The following DPYSL5 variants were observed in gnomAD, a reference collection of about 807,000 sequenced individuals.
DPYSL5 encodes dihydropyrimidinase-related protein 5.
A neutral mutation model predicts 58.4 loss-of-function variants in DPYSL5; 9 were observed. The observed-to-expected ratio is 0.15, with a 90% CI of 0.09 to 0.27. DPYSL5 has a LOEUF of 0.27. Among genes scored for constraint, DPYSL5 ranks in the 10% least tolerant of loss-of-function variants. The pLI is 1.00. For missense variants in DPYSL5, 499 were observed against 770.6 expected (o/e 0.65, Z 4.17); for synonymous variants, 293 against 301.9 (o/e 0.97, Z 0.31).
In DPYSL5 at chr2:26,947,234, G is replaced by C; in HGVS notation, c.*239G>C. The stretch of plus-strand genomic sequence containing the variant: ...GTCCTTTCTGCCTTGGCCTCGGCGG[G>C]CTTTTCTGGGGCCCAGGAAGCCCAC... On this transcript the variant is annotated 3_prime_UTR_variant, in exon 13 of 13. Coordinates refer to ENST00000288699, the MANE Select transcript of DPYSL5 (RefSeq NM_020134.4). The surrounding 1 kb of genome is among the most constrained non-coding windows in gnomAD (Gnocchi z 4.2). 2.1e-6 allele frequency: 1 copy of C among 478,874 alleles called. No individual in the cohort carries two copies. Among genetic ancestry groups the C allele is most frequent in the Non-Finnish European group, 3.8e-6 (1 of 261,034 alleles). 29.7% of individuals were successfully genotyped at this position (478,874 alleles called of 1,614,324 possible). A position where few individuals can be genotyped will look rare whatever the true frequency, so the allele number is the denominator to read the frequency against.
At chr2:26,932,412 C>G (rs1346564428) in intron 6 of DPYSL5, among the ~76,000 whole-genome samples, 1 of 152,202 alleles carries the variant, frequency 6.6e-6, no homozygotes, top group Non-Finnish European at 1.5e-5. Context: ...CAGTTCATTG[C>G]TCACGTGTAA....
chr2:26,889,291 A>C (rs1663809622), intron 1 of DPYSL5, among the ~76,000 whole-genome samples: 1 of 150,100 alleles, frequency 6.7e-6, no homozygotes, highest in Non-Finnish European at 1.5e-5. Context: ...TTTTTTTGAG[A>C]CGGAGTCTTG....
chr2:26,903,355 A>G (rs1036490292), intron 2 of DPYSL5, among the ~76,000 whole-genome samples: 1 of 152,122 alleles, frequency 6.6e-6, no homozygotes, highest in African/African-American at 2.4e-5. Flanking sequence ...TTCTTAAGAA[A>G]CTTGCTTTTG....
intron 5 of DPYSL5, among the ~76,000 whole-genome samples, chr2:26,931,197 GTGTGTGTATATATATATATATA>G (rs1269466164): frequency 9.9e-4 from 52 of 52,492 alleles, no homozygotes; most frequent in African/African-American, 2.9e-3. Context: ...GTGTGTGTGT[GTGTGTGTATATATATATATATA>G]TATATATATA....
At chr2:26,893,175 A>G (rs1301596981) in intron 1 of DPYSL5, among the ~76,000 whole-genome samples, 1 of 152,174 alleles carries the variant, frequency 6.6e-6, no homozygotes, top group Non-Finnish European at 1.5e-5. Context: ...AGCAGCCCCC[A>G]AGGGCCATGC....
chr2:26,873,066 T>A (rs1374064675), intron 1 of DPYSL5, among the ~76,000 whole-genome samples: 1 of 152,226 alleles, frequency 6.6e-6, no homozygotes, highest in African/African-American at 2.4e-5. Flanking sequence ...CCCCTTTTGT[T>A]TGAACTGCTA....
intron 2 of DPYSL5, among the ~76,000 whole-genome samples, chr2:26,914,079 G>A (rs144131891): frequency 1.4e-4 from 21 of 152,244 alleles, no homozygotes; most frequent in African/African-American, 4.6e-4. Flanking sequence ...GTTCTGTGCC[G>A]AGTTACTATT....
chr2:26,892,411 A>G (rs1663904395), intron 1 of DPYSL5, among the ~76,000 whole-genome samples: 1 of 152,242 alleles, frequency 6.6e-6, no homozygotes, highest in African/African-American at 2.4e-5. Context: ...CAGGTTCTCC[A>G]ACCTCCAAGC....
intron 1 of DPYSL5, among the ~76,000 whole-genome samples, chr2:26,880,787 C>G (rs1282102638): frequency 6.6e-6 from 1 of 152,226 alleles, no homozygotes; most frequent in African/African-American, 2.4e-5. Context: ...TAAATGCAAG[C>G]TGCTTTCTCA....
Position 26,940,950 on chromosome 2 carries a change from TGTG to T in DPYSL5, c.1089+779_1089+781del, listed in dbSNP as rs1202448063. Among the ~76,000 whole-genome samples, 1,197 of 130,740 alleles carry T rather than the reference TGTG, an allele frequency of 9.2e-3. 23 individuals are homozygous for T. Among genetic ancestry groups the T allele is most frequent in the African/African-American group, 0.029 (1,021 of 34,756 alleles). 85.8% of individuals were successfully genotyped at this position (130,740 alleles called of 152,430 possible). On this transcript the variant is annotated intron_variant, in intron 9 of 12. Transcript: ENST00000288699. ...ATTATTATTATTATTTATTTTTTTTTGTGTGTGATAGAATCTCCCTCTGTTGCC... is the reference window on the plus strand; with the variant it reads ...ATTATTATTATTATTTATTTTTTTTTTGTGATAGAATCTCCCTCTGTTGCC...
chr2:26,950,138 G>A lies in DPYSL5; in HGVS notation c.*3143G>A, dbSNP rs1354307576. On this transcript the variant is annotated 3_prime_UTR_variant, in exon 13 of 13. Coordinates refer to ENST00000288699, the MANE Select transcript of DPYSL5 (RefSeq NM_020134.4). This position sits in a 1 kb window ranked among gnomAD's most constrained non-coding sequence, Gnocchi z 5.3. ...GAAACCCAAACCCCCTCCAGCTGCT[G>A]AGGCGCAGGCACAGCCTGGGGTCGG... 6.6e-6 allele frequency: 1 copy of A among 152,276 alleles called. No individual in the cohort carries two copies. Among genetic ancestry groups the A allele is most frequent in the East Asian group, 1.9e-4 (1 of 5,194 alleles). The allele number at this position is 152,276 out of a possible 1,614,324, so 9.4% of individuals were successfully genotyped here. A position where few individuals can be genotyped will look rare whatever the true frequency, so the allele number is the denominator to read the frequency against.
chr2:26,902,467 GC>G (rs1473672392), intron 2 of DPYSL5, among the ~76,000 whole-genome samples: 2 of 152,068 alleles, frequency 1.3e-5, no homozygotes, highest in Admixed American at 1.3e-4. Context: ...ATAGGTACCA[GC>G]CCCTCACTAA....
At chr2:26,931,283 G>A (rs539138199) in intron 5 of DPYSL5, among the ~76,000 whole-genome samples, 4 of 140,132 alleles carry the variant, frequency 2.9e-5, no homozygotes, top group Non-Finnish European at 6.1e-5. Flanking sequence ...CCTAATCTAG[G>A]CTAATTTCCG....
intron 2 of DPYSL5, among the ~76,000 whole-genome samples, chr2:26,907,425 T>G (rs1282253997): frequency 6.6e-6 from 1 of 152,130 alleles, no homozygotes; most frequent in Non-Finnish European, 1.5e-5. Context: ...ACATTTACAT[T>G]TTTAAAATAA....
chr2:26,856,591 G>A (rs1665884419), intron 1 of DPYSL5, among the ~76,000 whole-genome samples: 1 of 152,052 alleles, frequency 6.6e-6, no homozygotes, highest in Non-Finnish European at 1.5e-5. Flanking sequence ...CAGTGCTGCT[G>A]TGAACATTCT....
At chr2:26,858,312 C>T (rs1271428783) in intron 1 of DPYSL5, among the ~76,000 whole-genome samples, 1 of 151,660 alleles carries the variant, frequency 6.6e-6, no homozygotes, top group East Asian at 2.0e-4. Context: ...GCTGGGACTA[C>T]AGGCACGCGC....
At chr2:26,852,552 C>T (rs772196296) in intron 1 of DPYSL5, among the ~76,000 whole-genome samples, 1 of 152,178 alleles carries the variant, frequency 6.6e-6, no homozygotes, top group Non-Finnish European at 1.5e-5. Context: ...GCTTGCCAAG[C>T]ACTCCCATCA....
intron 5 of DPYSL5, among the ~76,000 whole-genome samples, chr2:26,929,476 C>T (rs1233662731): frequency 1.3e-5 from 2 of 152,206 alleles, no homozygotes; most frequent in East Asian, 1.9e-4. Context: ...AAGTGATCCA[C>T]CCACCTCAGC....
At position 26,905,474 on chromosome 2, in the gene DPYSL5, A is replaced by G. The variant is rs1297907098; in HGVS notation, c.261+6714A>G. Among the ~76,000 whole-genome samples, 2 of 152,208 alleles carry G rather than the reference A, an allele frequency of 1.3e-5. No individual in the cohort carries two copies. The highest frequency in any genetic ancestry group is 2.9e-5 in the Non-Finnish European group (2 of 68,032). ...TTGCTCCACTGTGCACCGAGTGCCC[A>G]TGCTACCTGTGTCCCTGGGCTTGGC... On this transcript the variant is annotated intron_variant, in intron 2 of 12. Coordinates refer to ENST00000288699, the MANE Select transcript of DPYSL5 (RefSeq NM_020134.4). The surrounding 1 kb of genome is among the most constrained non-coding windows in gnomAD (Gnocchi z 4.0).
Sources: allele counts gnomAD v4.1 joint callset (sites outside exome capture counted in the v4.1 genomes callset), GRCh38; gene constraint gnomAD v4.1.1; non-coding constraint Gnocchi (gnomAD v3.1); transcripts MANE v1.5; gene names NCBI Gene and HGNC (gene_info 2026-07-23, HGNC 2026-07-21).